CERS6: variants seen among roughly 807,000 people sequenced by gnomAD.
CERS6 encodes the protein LAG1 homolog, ceramide synthase 6.
Under a neutral mutation model 56.8 loss-of-function variants are expected in CERS6, and 26 were observed. The observed-to-expected ratio is 0.46, with a 90% CI of 0.34 to 0.63. CERS6 has a LOEUF of 0.63. CERS6 is among the 30% of genes least tolerant of loss of function. The pLI is 0.01. For missense variants in CERS6, 415 were observed against 467.5 expected, an observed-to-expected ratio of 0.89 and a Z score of 1.04; for synonymous variants, 164 against 173.3, an observed-to-expected ratio of 0.95 and a Z score of 0.42.
At chr2:168,662,508 C>T (rs1289683517) in intron 4 of CERS6, among the ~76,000 whole-genome samples, 1 of 152,092 alleles carries the variant, frequency 6.6e-6, no homozygotes, top group East Asian at 1.9e-4. Context: ...GTGGGTAGAT[C>T]ACCTGAGGTC....
chr2:168,660,328 T>G (rs1362113468), intron 4 of CERS6, among the ~76,000 whole-genome samples: 4 of 152,210 alleles, frequency 2.6e-5, no homozygotes, highest in African/African-American at 9.7e-5. Flanking sequence ...ACGTCTCACC[T>G]TGTTTACCAT....
At chr2:168,636,456 T>C (rs1270103403) in intron 4 of CERS6, among the ~76,000 whole-genome samples, 2 of 152,190 alleles carry the variant, frequency 1.3e-5, no homozygotes, top group African/African-American at 4.8e-5. Context: ...CTGCTCATTA[T>C]ACTTAATGGA....
intron 4 of CERS6, among the ~76,000 whole-genome samples, chr2:168,645,116 A>AAAAAAAT (rs1553503146): frequency 5.3e-5 from 1 of 19,018 alleles, no homozygotes; most frequent in Admixed American, 8.2e-4. Flanking sequence ...AAAAAAAAAA[A>AAAAAAAT]ATATATATAT....
Position 168,654,539 on chromosome 2 carries a change from G to A in CERS6, c.465+23497G>A, listed in dbSNP as rs576213060. On this transcript the variant is annotated intron_variant, in intron 4 of 9. Coordinates refer to ENST00000305747, the MANE Select transcript of CERS6 (RefSeq NM_203463.3). The stretch of plus-strand genomic sequence containing the variant: ...GCCTGGGTGACAAGAGTGAAACTCT[G>A]TCTCAAAAAAACAAAACAAAACAAA... Among the ~76,000 whole-genome samples, 5 of 151,986 alleles carry A rather than the reference G, an allele frequency of 3.3e-5. 1 individual carries two copies. Among genetic ancestry groups the A allele is most frequent in the Admixed American group, 1.3e-4 (2 of 15,262 alleles).
intron 8 of CERS6, among the ~76,000 whole-genome samples, chr2:168,738,374 GC>G (rs1451697367): frequency 2.0e-5 from 3 of 152,144 alleles, no homozygotes; most frequent in Non-Finnish European, 4.4e-5. Flanking sequence ...ATAAATAATG[GC>G]AACTTACCAG....
intron 4 of CERS6, among the ~76,000 whole-genome samples, chr2:168,642,236 TGTG>T (rs1157612612): frequency 1.3e-5 from 2 of 151,898 alleles, no homozygotes; most frequent in Admixed American, 1.3e-4. Context: ...AGCCAGACAC[TGTG>T]GCTGAGGCGG....
chr2:168,694,618 TTGTC>T (rs1413746111), intron 5 of CERS6, among the ~76,000 whole-genome samples: 2 of 152,194 alleles, frequency 1.3e-5, no homozygotes, highest in Non-Finnish European at 2.9e-5. Flanking sequence ...GGGTTATTCT[TTGTC>T]TGTATTAGAA....
intron 1 of CERS6, among the ~76,000 whole-genome samples, chr2:168,484,810 G>A (rs555838348): frequency 6.6e-6 from 1 of 152,232 alleles, no homozygotes; most frequent in Admixed American, 6.5e-5. Context: ...TCAGCCTTGT[G>A]AATACTCATT....
At chr2:168,742,521 T>C (rs1286958653) in intron 8 of CERS6, among the ~76,000 whole-genome samples, 1 of 152,060 alleles carries the variant, frequency 6.6e-6, no homozygotes, top group African/African-American at 2.4e-5. Flanking sequence ...TGATAAAGAG[T>C]ACATAAGTGC....
intron 6 of CERS6, among the ~76,000 whole-genome samples, chr2:168,709,679 A>T (rs1687041125): frequency 6.6e-6 from 1 of 152,190 alleles, no homozygotes; most frequent in Non-Finnish European, 1.5e-5. Flanking sequence ...TTGCAGTTAT[A>T]GAAAATGCAG....
intron 1 of CERS6, among the ~76,000 whole-genome samples, chr2:168,498,891 G>A (rs1417398183): frequency 6.6e-6 from 1 of 152,110 alleles, no homozygotes; most frequent in Non-Finnish European, 1.5e-5. Flanking sequence ...TGAGGAGGGG[G>A]TATAATGAGG....
rs1229515551 is a variant in CERS6 at position 168,774,932 on chromosome 2, A to G, written c.*5270A>G. 6.6e-6 allele frequency: 1 copy of G among 152,198 alleles called. No homozygotes were observed. Among genetic ancestry groups the G allele is most frequent in the Non-Finnish European group, 1.5e-5 (1 of 68,044 alleles). 9.4% of individuals were successfully genotyped at this position (152,198 alleles called of 1,614,324 possible). A position where few individuals can be genotyped will look rare whatever the true frequency, so the allele number is the denominator to read the frequency against. On this transcript the variant is annotated 3_prime_UTR_variant, in exon 10 of 10. Coordinates refer to ENST00000305747, the MANE Select transcript of CERS6 (RefSeq NM_203463.3). ...AAAACCTTACTTGTTTTCTTAAGAC[A>G]ATTCAGTGCTTGAGCATCTCTGTCA...
chr2:168,457,241 A>G (rs1693687112), intron 1 of CERS6, among the ~76,000 whole-genome samples: 2 of 152,190 alleles, frequency 1.3e-5, no homozygotes, highest in Non-Finnish European at 2.9e-5. Context: ...ATTTCAGGTT[A>G]TTAGCGGTTT....
chr2:168,503,639 G>A (rs1233038224), intron 1 of CERS6, among the ~76,000 whole-genome samples: 1 of 152,138 alleles, frequency 6.6e-6, no homozygotes, highest in Non-Finnish European at 1.5e-5. Flanking sequence ...ATACCCACTT[G>A]GCTGCTTGCT....
intron 4 of CERS6, among the ~76,000 whole-genome samples, chr2:168,645,089 TTAAAAAA>T (rs1163808281): frequency 0.062 from 637 of 10,306 alleles, 146 homozygotes; most frequent in African/African-American, 0.07. Context: ...AGACTGCATC[TTAAAAAA>T]AAAAAAAAAA....
intron 2 of CERS6, among the ~76,000 whole-genome samples, chr2:168,548,982 A>G (rs990011407): frequency 4.6e-5 from 7 of 152,188 alleles, no homozygotes; most frequent in African/African-American, 1.7e-4. Flanking sequence ...AAAAATGTAA[A>G]GAAAAAGCTT....
intron 1 of CERS6, among the ~76,000 whole-genome samples, chr2:168,535,319 G>T (rs1474327075): frequency 6.6e-6 from 1 of 152,196 alleles, no homozygotes; most frequent in Non-Finnish European, 1.5e-5. Flanking sequence ...GAGTTGGGAC[G>T]CTAGGCCCCG....
chr2:168,666,933 AT>A (rs1171233893), intron 4 of CERS6, among the ~76,000 whole-genome samples: 5 of 152,202 alleles, frequency 3.3e-5, no homozygotes, highest in Admixed American at 3.3e-4. Context: ...TTAATAATGC[AT>A]ATCTTGTGTT....
At chr2:168,531,086 G>A (rs1397164052) in intron 1 of CERS6, among the ~76,000 whole-genome samples, 1 of 152,132 alleles carries the variant, frequency 6.6e-6, no homozygotes, top group African/African-American at 2.4e-5. Context: ...GATGGATGAG[G>A]AAAGGTTTAT....
Sources: gnomAD v4.1 joint callset for allele counts (sites outside exome capture counted in the v4.1 genomes callset) on GRCh38, gnomAD v4.1.1 for gene constraint, MANE v1.5 for transcripts, NCBI Gene and HGNC (gene_info 2026-07-23, HGNC 2026-07-21) for gene names.